Variants in NFIB observed in about 807,000 individuals in gnomAD.
The protein encoded by NFIB is nuclear factor 1 B-type.
NFIB carries 11 observed loss-of-function variants against 61.5 expected under a neutral mutation model. The ratio of observed to expected loss-of-function variants is 0.18; its 90% confidence interval spans 0.11 to 0.30. The LOEUF is 0.30. Ranked by LOEUF, NFIB falls within the 10% of genes least tolerant of loss-of-function variation. NFIB has a pLI of 1.00. For synonymous variants in NFIB, 260 were observed against 216.5 expected, an observed-to-expected ratio of 1.20 and a Z score of -1.76; for missense variants, 471 against 608.9, an observed-to-expected ratio of 0.77 and a Z score of 2.38.
the NFIB span, among the ~76,000 whole-genome samples, chr9:14,437,358 C>T: frequency 2.0e-5 from 3 of 152,150 alleles, no homozygotes; most frequent in Non-Finnish European, 4.4e-5. Flanking sequence ...TGTTGTCAGC[C>T]TTATTTCCCT....
intron 2 of NFIB, among the ~76,000 whole-genome samples, chr9:14,251,257 T>G (rs1256653436): frequency 6.6e-6 from 1 of 152,198 alleles, no homozygotes; most frequent in Non-Finnish European, 1.5e-5. Flanking sequence ...AGCTTTCATC[T>G]GATTGCATAC....
chr9:14,196,200 A>G (rs1334319645), intron 2 of NFIB, among the ~76,000 whole-genome samples: 1 of 152,176 alleles, frequency 6.6e-6, no homozygotes. Context: ...ATGATGAGAT[A>G]AAAGTCTCAA....
At chr9:14,417,785 T>TG in the NFIB span, among the ~76,000 whole-genome samples, 3 of 131,260 alleles carry the variant, frequency 2.3e-5, no homozygotes, top group African/African-American at 3.2e-5. Flanking sequence ...TTTTTTTTTT[T>TG]TTTTTTTTTT....
chr9:14,520,075 T>C, the NFIB span, among the ~76,000 whole-genome samples: 2 of 151,820 alleles, frequency 1.3e-5, no homozygotes, highest in African/African-American at 4.8e-5. Context: ...CTTTCCTTCA[T>C]TCACATGAGG....
chr9:14,482,067 A>AC, the NFIB span, among the ~76,000 whole-genome samples: 33 of 52,038 alleles, frequency 6.3e-4, no homozygotes, highest in African/African-American at 2.0e-3. Context: ...ACGATGCCCC[A>AC]CCCCCCCACC....
At chr9:14,265,144 G>C (rs560804458) in intron 2 of NFIB, among the ~76,000 whole-genome samples, 5 of 152,236 alleles carry the variant, frequency 3.3e-5, no homozygotes, top group Admixed American at 6.5e-5. Flanking sequence ...ATCAGGATTT[G>C]GAGAAAAGGT....
intron 10 of NFIB, among the ~76,000 whole-genome samples, chr9:14,093,852 T>C (rs1030374715): frequency 6.6e-6 from 1 of 152,060 alleles, no homozygotes; most frequent in Non-Finnish European, 1.5e-5. Flanking sequence ...CTCAGACCAG[T>C]AGAAGGAACA....
chr9:14,523,166 A>G, the NFIB span, among the ~76,000 whole-genome samples: 1 of 152,030 alleles, frequency 6.6e-6, no homozygotes. Flanking sequence ...GTGGGTCATA[A>G]GAGTAGGGCA....
At chr9:14,237,249 T>G (rs968147376) in intron 2 of NFIB, among the ~76,000 whole-genome samples, 2 of 152,208 alleles carry the variant, frequency 1.3e-5, no homozygotes, top group African/African-American at 4.8e-5. Context: ...TATGACAATC[T>G]AAAACTTCCA....
At chr9:14,273,217 C>A (rs1424906524) in intron 2 of NFIB, among the ~76,000 whole-genome samples, 1 of 152,104 alleles carries the variant, frequency 6.6e-6, no homozygotes, top group Non-Finnish European at 1.5e-5. Context: ...CTCTTTCCCC[C>A]TCATCAATCC....
At chr9:14,521,539 G>A in the NFIB span, among the ~76,000 whole-genome samples, 1 of 151,270 alleles carries the variant, frequency 6.6e-6, no homozygotes, top group Non-Finnish European at 1.5e-5. Flanking sequence ...GTTGCAAATT[G>A]TTATTTAATA....
At chr9:14,466,522 G>C in the NFIB span, among the ~76,000 whole-genome samples, 66 of 152,250 alleles carry the variant, frequency 4.3e-4, no homozygotes, top group African/African-American at 1.5e-3. Flanking sequence ...CATGAGGCCA[G>C]AGGAAAAAGC....
Position 14,087,267 on chromosome 9 carries a change from CATG to C in NFIB, c.*1039_*1041del. On this transcript the variant is annotated 3_prime_UTR_variant, in exon 11 of 11. Coordinates refer to ENST00000380953, the MANE Select transcript of NFIB (RefSeq NM_001190737.2). ...TCATTAATTTTATTTTTCTCAAGCACATGATTTGTCTTGATTTAATGCCTTTTT... is the reference window on the plus strand; with the variant it reads ...TCATTAATTTTATTTTTCTCAAGCACATTTGTCTTGATTTAATGCCTTTTT... 1 of 205,034 alleles carries C rather than the reference CATG, an allele frequency of 4.9e-6. No individual in the cohort carries two copies. Among genetic ancestry groups the C allele is most frequent in the Non-Finnish European group, 1.0e-5 (1 of 99,888 alleles). 12.7% of individuals were successfully genotyped at this position (205,034 alleles called of 1,614,324 possible). A position where few individuals can be genotyped will look rare whatever the true frequency, so the allele number is the denominator to read the frequency against.
the NFIB span, among the ~76,000 whole-genome samples, chr9:14,449,624 T>C: frequency 6.6e-6 from 1 of 152,010 alleles, no homozygotes; most frequent in Non-Finnish European, 1.5e-5. Flanking sequence ...AAAACAAAAG[T>C]CAAAACAGAC....
intron 2 of NFIB, among the ~76,000 whole-genome samples, chr9:14,288,536 T>C (rs190893274): frequency 2.0e-5 from 3 of 152,248 alleles, no homozygotes; most frequent in East Asian, 1.9e-4. Flanking sequence ...CTCTTGGTTA[T>C]CTGTTTCATT....
At chr9:14,187,603 GTTGTT>G (rs1309189046) in intron 2 of NFIB, among the ~76,000 whole-genome samples, 1 of 152,092 alleles carries the variant, frequency 6.6e-6, no homozygotes, top group Admixed American at 6.6e-5. Context: ...GAACATCCCA[GTTGTT>G]TTATCATTAA....
At chr9:14,248,140 C>T (rs889193552) in intron 2 of NFIB, among the ~76,000 whole-genome samples, 1 of 151,418 alleles carries the variant, frequency 6.6e-6, no homozygotes, top group African/African-American at 2.4e-5. Flanking sequence ...CCCTATGTTG[C>T]CCAGGCTGGT....
At chr9:14,520,302 G>T in the NFIB span, among the ~76,000 whole-genome samples, 1 of 151,948 alleles carries the variant, frequency 6.6e-6, no homozygotes, top group African/African-American at 2.4e-5. Context: ...TTCATTCCAT[G>T]ACCTTATTTA....
the NFIB span, among the ~76,000 whole-genome samples, chr9:14,435,935 T>G: frequency 1.3e-5 from 2 of 152,232 alleles, no homozygotes; most frequent in Non-Finnish European, 1.5e-5. Context: ...ATTAGGTAAC[T>G]CCTTAAATTA....
Sources: gnomAD v4.1 joint callset for allele counts (sites outside exome capture counted in the v4.1 genomes callset) on GRCh38, gnomAD v4.1.1 for gene constraint, MANE v1.5 for transcripts, NCBI Gene and HGNC (gene_info 2026-07-23, HGNC 2026-07-21) for gene names.